The following CSMD1 variants were observed in gnomAD, a reference collection of about 807,000 sequenced individuals.
The protein encoded by CSMD1 is CUB and sushi domain-containing protein 1.
A neutral mutation model predicts 417.5 loss-of-function variants in CSMD1; 213 were observed. The ratio of observed to expected loss-of-function variants is 0.51; its 90% confidence interval spans 0.46 to 0.57. The LOEUF is 0.57. Ranked by LOEUF, CSMD1 falls within the 20% of genes least tolerant of loss-of-function variation. The probability of loss-of-function intolerance (pLI) is 0.00; values close to 1 mark genes in which losing one functional copy is unlikely to be tolerated. For synonymous variants in CSMD1, 2,862 were observed against 1,736.8 expected (o/e 1.65, Z -16.11); for missense variants, 6,923 against 4,529.7 (o/e 1.53, Z -15.17).
At chr8:3,357,438 G>C (rs117146289) in intron 21 of CSMD1, among the ~76,000 whole-genome samples, 2 of 152,220 alleles carry the variant, frequency 1.3e-5, no homozygotes, top group African/African-American at 2.4e-5. Context: ...CATGGAAGGA[G>C]CCTGAAGCAG....
intron 10 of CSMD1, among the ~76,000 whole-genome samples, chr8:3,529,394 A>G (rs1465382928): frequency 6.6e-6 from 1 of 152,170 alleles, no homozygotes; most frequent in Non-Finnish European, 1.5e-5. Context: ...AATTGACTAT[A>G]TTGAAGGAGA....
intron 5 of CSMD1, among the ~76,000 whole-genome samples, chr8:3,963,917 A>G (rs541806577): frequency 2.0e-5 from 3 of 152,318 alleles, no homozygotes; most frequent in Admixed American, 2.0e-4. Context: ...TTGTATCCCA[A>G]ATTTCCTCCC....
At chr8:3,881,104 T>C (rs981968175) in intron 5 of CSMD1, among the ~76,000 whole-genome samples, 6 of 152,322 alleles carry the variant, frequency 3.9e-5, no homozygotes, top group African/African-American at 9.6e-5. Context: ...TGAAATATTA[T>C]TGACTGAAAT....
chr8:4,458,129 A>T (rs191692173), intron 2 of CSMD1, among the ~76,000 whole-genome samples: 35 of 152,230 alleles, frequency 2.3e-4, no homozygotes, highest in African/African-American at 8.2e-4. Context: ...TCTGTGTTTA[A>T]ATTACTTTAT....
At chr8:4,846,175 T>A (rs1358412967) in intron 1 of CSMD1, among the ~76,000 whole-genome samples, 1 of 152,222 alleles carries the variant, frequency 6.6e-6, no homozygotes, top group Non-Finnish European at 1.5e-5. Context: ...AACTAGCACA[T>A]GCACCAAAGT....
At chr8:2,970,833 T>C (rs1353242212) in intron 57 of CSMD1, among the ~76,000 whole-genome samples, 4 of 152,238 alleles carry the variant, frequency 2.6e-5, no homozygotes, top group African/African-American at 4.8e-5. Flanking sequence ...AATTTTACTA[T>C]GGAAATTGTT....
intron 4 of CSMD1, among the ~76,000 whole-genome samples, chr8:4,030,020 G>A (rs1290940171): frequency 1.3e-5 from 2 of 152,184 alleles, no homozygotes; most frequent in South Asian, 2.1e-4. Context: ...GATGCAAGAG[G>A]TGAGCTCCAA....
chr8:3,094,611 TA>T, intron 47 of CSMD1, among the ~76,000 whole-genome samples: 1 of 152,302 alleles, frequency 6.6e-6, no homozygotes. Flanking sequence ...GTGTACACTG[TA>T]ATTTTAATTT....
intron 5 of CSMD1, among the ~76,000 whole-genome samples, chr8:3,919,184 C>CAAAA (rs71203490): frequency 2.2e-5 from 2 of 91,800 alleles, no homozygotes; most frequent in African/African-American, 3.7e-5. Flanking sequence ...GTGTCATATC[C>CAAAA]AAAAAAAAAA....
chr8:2,961,512 A>G (rs1803485960), intron 61 of CSMD1, among the ~76,000 whole-genome samples: 1 of 151,974 alleles, frequency 6.6e-6, no homozygotes, highest in Non-Finnish European at 1.5e-5. Flanking sequence ...TTGGTCAATG[A>G]TATACTATCT....
chr8:4,456,521 G>C (rs1276122712), intron 2 of CSMD1, among the ~76,000 whole-genome samples: 2 of 152,160 alleles, frequency 1.3e-5, no homozygotes, highest in East Asian at 3.9e-4. Context: ...AATGTTTATA[G>C]TGTTGGCACT....
intron 2 of CSMD1, among the ~76,000 whole-genome samples, chr8:4,457,035 C>T (rs1017413249): frequency 3.3e-5 from 5 of 150,666 alleles, no homozygotes; most frequent in African/African-American, 1.2e-4. Context: ...ATCGCTGATT[C>T]CTGGAGCATC....
At chr8:4,802,469 C>CCAAAATCAAACAATAAAATCAAA (rs1798353992) in intron 1 of CSMD1, among the ~76,000 whole-genome samples, 2 of 151,972 alleles carry the variant, frequency 1.3e-5, no homozygotes, top group African/African-American at 4.8e-5. Context: ...TGAAAACAAA[C>CCAAAATCAAACAATAAAATCAAA]CACGAAATCA....
intron 1 of CSMD1, among the ~76,000 whole-genome samples, chr8:4,682,259 G>C (rs1482147280): frequency 6.6e-6 from 1 of 151,972 alleles, no homozygotes; most frequent in Non-Finnish European, 1.5e-5. Context: ...CAAACTCCTG[G>C]GGCTAAAGCA....
intron 1 of CSMD1, among the ~76,000 whole-genome samples, chr8:4,814,835 C>T (rs1054390486): frequency 3.9e-5 from 6 of 152,094 alleles, no homozygotes; most frequent in African/African-American, 1.4e-4. Context: ...AATTATAATA[C>T]TGCGGACTCT....
At chr8:3,764,024 G>A (rs1445518839) in intron 5 of CSMD1, among the ~76,000 whole-genome samples, 3 of 152,066 alleles carry the variant, frequency 2.0e-5, no homozygotes, top group Non-Finnish European at 1.5e-5. Context: ...CAGGTGTTTG[G>A]CACACAGCCA....
chr8:3,721,933 C>A (rs2129044720), intron 6 of CSMD1, among the ~76,000 whole-genome samples: 1 of 152,186 alleles, frequency 6.6e-6, no homozygotes, highest in East Asian at 1.9e-4. Flanking sequence ...ATCTACATGC[C>A]ACAGGTGCAC....
chr8:3,760,822 G>A (rs776846560), intron 5 of CSMD1, among the ~76,000 whole-genome samples: 2 of 152,210 alleles, frequency 1.3e-5, no homozygotes, highest in Non-Finnish European at 2.9e-5. Context: ...TCAGAAGCCA[G>A]AAAGCATTAC....
intron 12 of CSMD1, among the ~76,000 whole-genome samples, chr8:3,451,346 T>A (rs757439897): frequency 6.6e-6 from 1 of 152,222 alleles, no homozygotes; most frequent in Non-Finnish European, 1.5e-5. Flanking sequence ...AATTTTGGCT[T>A]TTGTTGCCAT....
Sources: allele counts gnomAD v4.1 joint callset (sites outside exome capture counted in the v4.1 genomes callset), GRCh38; gene constraint gnomAD v4.1.1; transcripts MANE v1.5; gene names NCBI Gene and HGNC (gene_info 2026-07-23, HGNC 2026-07-21).